The following SLC17A6 variants were observed in gnomAD, a reference collection of about 807,000 sequenced individuals.
The protein encoded by SLC17A6 is solute carrier family 17 member 6.
SLC17A6 carries 35 observed loss-of-function variants against 67.1 expected under a neutral mutation model. The observed-to-expected ratio is 0.52, with a 90% CI of 0.40 to 0.69. SLC17A6 has a LOEUF of 0.69. SLC17A6 is among the 30% of genes least tolerant of loss of function. The pLI, the probability that SLC17A6 is intolerant of heterozygous loss-of-function variation, is 0.00. For synonymous variants in SLC17A6, 285 were observed against 252.3 expected (o/e 1.13, Z -1.23); for missense variants, 588 against 723.9 (o/e 0.81, Z 2.15).
chr11:22,346,656 G>A (rs1855879400), intron 3 of SLC17A6, among the ~76,000 whole-genome samples: 1 of 151,676 alleles, frequency 6.6e-6, no homozygotes, highest in South Asian at 2.1e-4. Flanking sequence ...AAAAAATGTG[G>A]GGGGCAAATT....
At chr11:22,342,515 G>T (rs556395502) in intron 2 of SLC17A6, among the ~76,000 whole-genome samples, 1 of 152,154 alleles carries the variant, frequency 6.6e-6, no homozygotes, top group Non-Finnish European at 1.5e-5. Flanking sequence ...TCTCAGGCGG[G>T]AAAAGCGCGC....
At chr11:22,356,345 T>C (rs1590385165) in intron 3 of SLC17A6, among the ~76,000 whole-genome samples, 1 of 152,152 alleles carries the variant, frequency 6.6e-6, no homozygotes, top group Non-Finnish European at 1.5e-5. Context: ...CAAGACAAGG[T>C]GTAAAGGCTT....
intron 9 of SLC17A6, among the ~76,000 whole-genome samples, chr11:22,375,382 A>C (rs1856221382): frequency 2.6e-5 from 4 of 152,116 alleles, no homozygotes; most frequent in Admixed American, 2.0e-4. Context: ...CAAAAAATAA[A>C]AATAAAAAAA....
At chr11:22,373,889 T>C (rs1157357425) in intron 8 of SLC17A6, among the ~76,000 whole-genome samples, 1 of 152,162 alleles carries the variant, frequency 6.6e-6, no homozygotes, top group Non-Finnish European at 1.5e-5. Context: ...GTCTCAAACC[T>C]TCGATAATCT....
chr11:22,343,042 T>TA, intron 2 of SLC17A6: 1 of 627,402 alleles, frequency 1.6e-6, no homozygotes, highest in Non-Finnish European at 2.9e-6. Flanking sequence ...GCCTCACTAT[T>TA]AATCACAATA....
intron 11 of SLC17A6, among the ~76,000 whole-genome samples, chr11:22,376,892 T>G (rs547616410): frequency 6.6e-6 from 1 of 152,288 alleles, no homozygotes; most frequent in African/African-American, 2.4e-5. Flanking sequence ...TCTCAACCCT[T>G]TTTAATAATT....
At chr11:22,338,686 A>G in intron 1 of SLC17A6, 67 bp downstream of exon 1, 1 of 1,143,944 alleles carries the variant, frequency 8.7e-7, no homozygotes, top group Non-Finnish European at 1.3e-6. Context: ...CCGTTTCCGT[A>G]AACCCTGGTG....
intron 8 of SLC17A6, among the ~76,000 whole-genome samples, chr11:22,371,336 T>A (rs1477960858): frequency 3.3e-5 from 5 of 152,060 alleles, no homozygotes; most frequent in Non-Finnish European, 7.4e-5. Flanking sequence ...ATCTGAGACC[T>A]GGGACTGAAG....
chr11:22,370,019 C>T lies in SLC17A6; in HGVS notation c.892-20C>T, dbSNP rs763264433. ...AAAATATTTAAAATGGTCATAATGT[C>T]TCTCTTTTTGGAATTTCAGAAATTC... On this transcript the variant is annotated intron_variant, in intron 7 of 11. Transcript: ENST00000263160. 13 of 1,601,328 alleles carry T rather than the reference C, an allele frequency of 8.1e-6. No homozygotes were observed. Among genetic ancestry groups the T allele is most frequent in the Admixed American group, 1.7e-5 (1 of 57,386 alleles).
At chr11:22,369,731 A>G (rs1037237232) in intron 7 of SLC17A6, among the ~76,000 whole-genome samples, 34 of 151,954 alleles carry the variant, frequency 2.2e-4, no homozygotes, top group African/African-American at 6.8e-4. Flanking sequence ...CAAATGGAAA[A>G]AAAAACCTTA....
At chr11:22,369,565 G>T (rs568929786) in intron 7 of SLC17A6, among the ~76,000 whole-genome samples, 3 of 151,852 alleles carry the variant, frequency 2.0e-5, no homozygotes, top group Admixed American at 6.6e-5. Context: ...TTCAGGTAGG[G>T]TCTAGAATAC....
chr11:22,377,298 C>A (rs1196765418), intron 11 of SLC17A6, 107 bp from the exon 12 acceptor site: 5 of 997,420 alleles, frequency 5.0e-6, no homozygotes, highest in Non-Finnish European at 5.9e-6. Context: ...GGATTTTTCC[C>A]AAATATAGTG....
rs184186445 is a variant in SLC17A6, at chr11:22,359,558, G to T, written c.573+31G>T. On this transcript the variant is annotated intron_variant, in intron 4 of 11. Transcript: ENST00000263160. Reference sequence around the variant, plus strand: ...TAACTTCAGGGTGAAGCCTTTTTAAGATTGGCATTTGGTTGAGAACCACCA... The same window carrying T: ...TAACTTCAGGGTGAAGCCTTTTTAATATTGGCATTTGGTTGAGAACCACCA... 8.8e-5 allele frequency: 126 copies of T among 1,438,144 alleles called. 1 individual carries two copies. The East Asian group carries it at 1.9e-3, about 22-fold the overall frequency. The allele number at this position is 1,438,144 out of a possible 1,614,324, so 89.1% of individuals were successfully genotyped here.
intron 5 of SLC17A6, among the ~76,000 whole-genome samples, chr11:22,362,517 T>C (rs1382158817): frequency 1.3e-5 from 2 of 152,140 alleles, no homozygotes; most frequent in Non-Finnish European, 2.9e-5. Context: ...ATCTCTGTTG[T>C]GTCTTGGGTA....
At chr11:22,358,221 G>A (rs1003533387) in intron 3 of SLC17A6, among the ~76,000 whole-genome samples, 3 of 152,178 alleles carry the variant, frequency 2.0e-5, no homozygotes, top group Non-Finnish European at 2.9e-5. Context: ...GCTCATTGGA[G>A]TTAGCACGTC....
At chr11:22,341,483 AC>A (rs1855814753) in intron 1 of SLC17A6, 44 bp from the exon 2 acceptor site, 1 of 1,596,882 alleles carries the variant, frequency 6.3e-7, no homozygotes, top group East Asian at 2.2e-5. Flanking sequence ...CATCGGGGGT[AC>A]CTAAGCCGCC....
At chr11:22,374,330 T>A (rs959331266) in intron 8 of SLC17A6, among the ~76,000 whole-genome samples, 3 of 152,200 alleles carry the variant, frequency 2.0e-5, no homozygotes, top group African/African-American at 7.2e-5. Context: ...ATATTTAAAG[T>A]GCAAATATGC....
intron 8 of SLC17A6, 75 bp downstream of exon 8, chr11:22,370,263 A>T: frequency 8.1e-7 from 1 of 1,234,476 alleles, no homozygotes; most frequent in Non-Finnish European, 1.1e-6. Flanking sequence ...ATTTGCAAAA[A>T]TTTTTATCTT....
At chr11:22,366,021 A>T (rs1458022267) in intron 7 of SLC17A6, among the ~76,000 whole-genome samples, 6 of 151,924 alleles carry the variant, frequency 3.9e-5, no homozygotes, top group East Asian at 1.9e-4. Flanking sequence ...CGTTAAAAAA[A>T]TCCAAATCAG....
Sources: allele counts gnomAD v4.1 joint callset (sites outside exome capture counted in the v4.1 genomes callset), GRCh38; gene constraint gnomAD v4.1.1; transcripts MANE v1.5; gene names NCBI Gene and HGNC (gene_info 2026-07-23, HGNC 2026-07-21).